Variants in BRSK1 observed in about 807,000 individuals in gnomAD.
BRSK1 encodes the protein BR serine/threonine kinase 1.
In BRSK1, 17 loss-of-function variants were observed where a neutral mutation model predicts 86.2. The observed-to-expected ratio is 0.20, with a 90% CI of 0.14 to 0.30. The LOEUF is 0.30. BRSK1 is among the 10% of genes least tolerant of loss of function. BRSK1 has a pLI of 1.00. For synonymous variants in BRSK1, 464 were observed against 440.1 expected (o/e 1.05, Z -0.68); for missense variants, 719 against 1,071.9 (o/e 0.67, Z 4.60).
rs768244070 is a variant in BRSK1 at position 55,306,428 on chromosome 19, C to T, written c.2067C>T (p.Ser689=). The T allele has an allele frequency of 5.2e-5, 84 of 1,613,296 alleles. No individual in the cohort carries two copies. In the African/African-American group the frequency reaches 6.1e-4, roughly 12 times the overall value. The change falls in exon 17 of 19, where the codon TCC becomes TCT. Residue 689 remains serine, a synonymous_variant. Transcript: ENST00000309383. The surrounding 1 kb of genome is among the most constrained non-coding windows in gnomAD (Gnocchi z 4.7). ...RDGSGGGGIY[S]VTFTLISGPS... is the part of the protein sequence containing the mutation. ...GCAGCGGAGGTGGTGGCATCTACTC[C>T]GTCACCTTCACTCTCATCTCGGGTG...
chr19:55,304,316 A>C lies in BRSK1; in HGVS notation c.1347+206A>C, dbSNP rs2088614757. On this transcript the variant is annotated intron_variant, in intron 13 of 18. Coordinates refer to ENST00000309383, the MANE Select transcript of BRSK1 (RefSeq NM_032430.2). This position sits in a 1 kb window ranked among gnomAD's most constrained non-coding sequence, Gnocchi z 5.2. ...GATTGCATGCCTGAAGAGATTTTAC[A>C]AAAGTTAGTTGAGTGCCTGCTGTGT... Among the ~76,000 whole-genome samples, 1 of 152,164 alleles carries C rather than the reference A, an allele frequency of 6.6e-6. No homozygotes were observed. Among genetic ancestry groups the C allele is most frequent in the Admixed American group, 6.5e-5 (1 of 15,280 alleles).
rs2088653867 is a variant in BRSK1 at position 55,306,565 on chromosome 19, T to C, written c.2089+115T>C. 4 of 1,254,534 alleles carry C rather than the reference T, an allele frequency of 3.2e-6. No homozygotes were observed. Among genetic ancestry groups the C allele is most frequent in the African/African-American group, 3.0e-5 (2 of 67,494 alleles). 77.7% of individuals were successfully genotyped at this position (1,254,534 alleles called of 1,614,324 possible). ...GGAGGAGGAAATGGTGTTCAGCTGGTGCCGACTCTCTGTGCTCCTCCTGCC... is the reference window on the plus strand; with the variant it reads ...GGAGGAGGAAATGGTGTTCAGCTGGCGCCGACTCTCTGTGCTCCTCCTGCC... On this transcript the variant is annotated intron_variant, in intron 17 of 18. Coordinates refer to ENST00000309383, the MANE Select transcript of BRSK1 (RefSeq NM_032430.2). This position sits in a 1 kb window ranked among gnomAD's most constrained non-coding sequence, Gnocchi z 4.7.
At chr19:55,298,867 G>T (rs546445448) in intron 7 of BRSK1, among the ~76,000 whole-genome samples, 1 of 152,298 alleles carries the variant, frequency 6.6e-6, no homozygotes, top group Non-Finnish European at 1.5e-5. Context: ...CCCTCTGATG[G>T]GCATGCTTTG....
intron 7 of BRSK1, among the ~76,000 whole-genome samples, chr19:55,297,309 C>T (rs919763504): frequency 2.0e-5 from 3 of 152,018 alleles, no homozygotes; most frequent in Non-Finnish European, 1.5e-5. Flanking sequence ...ACTTGACCTC[C>T]GCCCGCCTCT....
At position 55,304,770 on chromosome 19, in the gene BRSK1, A is replaced by T; in HGVS notation, c.1567A>T (p.Thr523Ser). 1 of 1,546,724 alleles carries T rather than the reference A, an allele frequency of 6.5e-7. No individual in the cohort carries two copies. The highest frequency in any genetic ancestry group is 2.4e-5 in the East Asian group (1 of 41,222). Residue 523 changes from threonine (T) to serine (S), a missense_variant, in exon 14 of 19, where the codon ACG (threonine) becomes TCG (serine). Coordinates refer to ENST00000309383, the MANE Select transcript of BRSK1 (RefSeq NM_032430.2). The surrounding 1 kb of genome is among the most constrained non-coding windows in gnomAD (Gnocchi z 5.2). Reference protein sequence around the residue: ...GGTPLHSPLHTPRASPTGTPG... With the variant: ...GGTPLHSPLHSPRASPTGTPG... Reference sequence around the variant, plus strand: ...GACCCCCTTGCACTCGCCTCTGCACACGCCCCGGGCCAGTCCCACCGGGAC... The same window carrying T: ...GACCCCCTTGCACTCGCCTCTGCACTCGCCCCGGGCCAGTCCCACCGGGAC...
In BRSK1 at chr19:55,302,748, G is replaced by A; in HGVS notation, c.909G>A (p.Arg303=). 1 of 1,613,286 alleles carries A rather than the reference G, an allele frequency of 6.2e-7. No individual in the cohort carries two copies. Among genetic ancestry groups the A allele is most frequent in the Non-Finnish European group, 8.5e-7 (1 of 1,179,630 alleles). Residue 303 remains arginine, a synonymous_variant, in exon 10 of 19, where the codon CGG becomes CGA. Transcript: ENST00000309383. The surrounding 1 kb of genome is among the most constrained non-coding windows in gnomAD (Gnocchi z 6.3). The part of the protein sequence containing the change: ...DPCLEPAPGR[R]VAMRSLPSNG... Reference sequence around the variant, plus strand: ...GCCTGGAGCCAGCCCCTGGCCGCCGGGTAGCCATGCGGAGCCTGCCATCCA... The same window carrying A: ...GCCTGGAGCCAGCCCCTGGCCGCCGAGTAGCCATGCGGAGCCTGCCATCCA...
In BRSK1 at chr19:55,306,028, G is replaced by A. The variant is rs1467802505; in HGVS notation, c.1891-224G>A. ...GTCTGAGGCTGTCACCTAGCTATCA[G>A]AGTCCTCATGATGTTAGGGGGATGT... On this transcript the variant is annotated intron_variant, in intron 16 of 18. Coordinates refer to ENST00000309383, the MANE Select transcript of BRSK1 (RefSeq NM_032430.2). This position sits in a 1 kb window ranked among gnomAD's most constrained non-coding sequence, Gnocchi z 4.7. Among the ~76,000 whole-genome samples the A allele has an allele frequency of 6.6e-6, 1 of 152,192 alleles. No homozygotes were observed. Among genetic ancestry groups the A allele is most frequent in the Non-Finnish European group, 1.5e-5 (1 of 68,044 alleles).
rs1319536121 is a variant in BRSK1 at position 55,284,287 on chromosome 19, TG to T, written c.-148del. ...TCCCCCAGCTCCGCGGCCCGCCGACTGGGGGGGGCCAGCCCAGCCCCCTGGG... is the reference window on the plus strand; with the variant it reads ...TCCCCCAGCTCCGCGGCCCGCCGACTGGGGGGGCCAGCCCAGCCCCCTGGG... On this transcript the variant is annotated 5_prime_UTR_variant, in exon 1 of 19. Coordinates refer to ENST00000309383, the MANE Select transcript of BRSK1 (RefSeq NM_032430.2). The T allele has an allele frequency of 3.5e-4, 201 of 570,420 alleles. No individual in the cohort carries two copies. Among genetic ancestry groups the T allele is most frequent in the Middle Eastern group, 1.1e-3 (2 of 1,786 alleles). The allele number at this position is 570,420 out of a possible 1,614,324, so 35.3% of individuals were successfully genotyped here.
rs144041557 is a variant in BRSK1 at position 55,305,740 on chromosome 19, A to T, written c.1890+154A>T. 9.9e-5 allele frequency among the ~76,000 whole-genome samples: 15 copies of T among 152,258 alleles called. No individual in the cohort carries two copies. The East Asian group carries it at 2.5e-3, about 26-fold the overall frequency. ...CAGAGTTGGTTAGAAGTCGGTAGGCAGGAAAGATTTATCGTGGCCAGAGGC... is the reference window on the plus strand; with the variant it reads ...CAGAGTTGGTTAGAAGTCGGTAGGCTGGAAAGATTTATCGTGGCCAGAGGC... On this transcript the variant is annotated intron_variant, in intron 16 of 18. Transcript: ENST00000309383.
At position 55,305,070 on chromosome 19, in the gene BRSK1, G is replaced by T. The variant is rs572909200; in HGVS notation, c.1717+150G>T. ...AGAGAAGAGGGGGTTTGAAGCAGAG[G>T]TGCACCTGTTGGGGAGAGAGGTGGG... On this transcript the variant is annotated intron_variant, in intron 14 of 18. Coordinates refer to ENST00000309383, the MANE Select transcript of BRSK1 (RefSeq NM_032430.2). The T allele has an allele frequency of 2.3e-6, 3 of 1,320,304 alleles. No individual in the cohort carries two copies. The Admixed American group carries it at 7.2e-5, about 32-fold the overall frequency. 81.8% of individuals were successfully genotyped at this position (1,320,304 alleles called of 1,614,324 possible). A position where few individuals can be genotyped will look rare whatever the true frequency, so the allele number is the denominator to read the frequency against.
At position 55,302,638 on chromosome 19, in the gene BRSK1, A is replaced by G; in HGVS notation, c.858-59A>G. 6.4e-7 allele frequency: 1 copy of G among 1,560,550 alleles called. No individual in the cohort carries two copies. Among genetic ancestry groups the G allele is most frequent in the Non-Finnish European group, 8.7e-7 (1 of 1,148,758 alleles). On this transcript the variant is annotated intron_variant, in intron 9 of 18. Transcript: ENST00000309383. The surrounding 1 kb of genome is among the most constrained non-coding windows in gnomAD (Gnocchi z 6.3). ...CGGGGTCCGGGATCATTGAGTCTAG[A>G]ATGAAGAATGCTGAATCTCAGAAGC...
chr19:55,304,157 G>A lies in BRSK1; in HGVS notation c.1347+47G>A. 1 of 1,550,376 alleles carries A rather than the reference G, an allele frequency of 6.5e-7. No homozygotes were observed. The highest frequency in any genetic ancestry group is 8.8e-7 in the Non-Finnish European group (1 of 1,135,566). On this transcript the variant is annotated intron_variant, in intron 13 of 18. Coordinates refer to ENST00000309383, the MANE Select transcript of BRSK1 (RefSeq NM_032430.2). This position sits in a 1 kb window ranked among gnomAD's most constrained non-coding sequence, Gnocchi z 5.2. ...GATTTAAGAAGGAGAAAGGGGTGGA[G>A]ACATGGAGCAAAGATTGAGTAGCAG... is the stretch of plus-strand genomic sequence containing the variant.
chr19:55,284,058 G>T lies in BRSK1; in HGVS notation c.-385G>T. ...GGTGGCGGGGGGAGGCGGAGAGGAG[G>T]AGGAGGCGGAGGAGAGAGGGCGCGT... On this transcript the variant is annotated 5_prime_UTR_variant, in exon 1 of 19. Transcript: ENST00000309383. The T allele has an allele frequency of 8.3e-7, 1 of 1,203,692 alleles. No homozygotes were observed. The highest frequency in any genetic ancestry group is 1.0e-6 in the Non-Finnish European group (1 of 961,986). The allele number at this position is 1,203,692 out of a possible 1,614,324, so 74.6% of individuals were successfully genotyped here. A position where few individuals can be genotyped will look rare whatever the true frequency, so the allele number is the denominator to read the frequency against.
chr19:55,299,935 C>G (rs2088546301), intron 7 of BRSK1, among the ~76,000 whole-genome samples: 1 of 152,172 alleles, frequency 6.6e-6, no homozygotes, highest in African/African-American at 2.4e-5. Flanking sequence ...AAGGCTCACA[C>G]CATCACCTCC....
intron 7 of BRSK1, among the ~76,000 whole-genome samples, chr19:55,295,243 C>T (rs1413174341): frequency 6.6e-6 from 1 of 152,160 alleles, no homozygotes; most frequent in East Asian, 1.9e-4. Flanking sequence ...CCGCCTCAGC[C>T]TCCCGAGCAG....
intron 18 of BRSK1, among the ~76,000 whole-genome samples, chr19:55,311,168 G>A (rs2088784280): frequency 6.6e-6 from 1 of 152,064 alleles, no homozygotes; most frequent in Admixed American, 6.6e-5. Context: ...CACCATGTTG[G>A]CCAGGCTGGT....
intron 16 of BRSK1, 103 bp downstream of exon 16, chr19:55,305,689 G>A (rs1024606361): frequency 6.5e-7 from 1 of 1,529,802 alleles, no homozygotes; most frequent in South Asian, 1.2e-5. Flanking sequence ...TCCTCCTGGG[G>A]CTCATGGGAT....
At position 55,292,726 on chromosome 19, in the gene BRSK1, C is replaced by T. The variant is rs560682643; in HGVS notation, c.459-1291C>T. On this transcript the variant is annotated intron_variant, in intron 4 of 18. Coordinates refer to ENST00000309383, the MANE Select transcript of BRSK1 (RefSeq NM_032430.2). ...GCACATGCCTATAATCCCAGCTACT[C>T]GGGAGGCTGAGGCAGGAGAATTGCT... Among the ~76,000 whole-genome samples, 7 of 151,572 alleles carry T rather than the reference C, an allele frequency of 4.6e-5. No individual in the cohort carries two copies. The South Asian group carries it at 6.3e-4, about 14-fold the overall frequency.
rs974003544 is a variant in BRSK1, at chr19:55,287,395, G to T, written c.317+96G>T. ...AAACAGGGCCTAGGGGGACCTGGGG[G>T]ACCTGCAGCTCTCCAGGCTGGACCG... On this transcript the variant is annotated intron_variant, in intron 3 of 18. Coordinates refer to ENST00000309383, the MANE Select transcript of BRSK1 (RefSeq NM_032430.2). This position sits in a 1 kb window ranked among gnomAD's most constrained non-coding sequence, Gnocchi z 5.3. The T allele has an allele frequency of 8.6e-7, 1 of 1,157,120 alleles. No individual in the cohort carries two copies. The allele number at this position is 1,157,120 out of a possible 1,614,324, so 71.7% of individuals were successfully genotyped here.
Sources: allele counts gnomAD v4.1 joint callset (sites outside exome capture counted in the v4.1 genomes callset), GRCh38; gene constraint gnomAD v4.1.1; non-coding constraint Gnocchi (gnomAD v3.1); transcripts MANE v1.5; gene names NCBI Gene and HGNC (gene_info 2026-07-23, HGNC 2026-07-21).